LDHC: variants seen among roughly 807,000 people sequenced by gnomAD.
LDHC encodes L-lactate dehydrogenase C chain.
Under a neutral mutation model 30.2 loss-of-function variants are expected in LDHC, and 20 were observed. The observed-to-expected ratio is 0.66, with a 90% CI of 0.47 to 0.96. The LOEUF is 0.96. Among genes scored for constraint, LDHC ranks in the 40% least tolerant of loss-of-function variants. LDHC has a pLI of 0.00. For synonymous variants in LDHC, 139 were observed against 132.7 expected, an observed-to-expected ratio of 1.05 and a Z score of -0.32; for missense variants, 362 against 394.9, an observed-to-expected ratio of 0.92 and a Z score of 0.71.
chr11:18,437,116 A>G (rs1040040636), intron 5 of LDHC, among the ~76,000 whole-genome samples: 31 of 152,080 alleles, frequency 2.0e-4, no homozygotes, highest in African/African-American at 7.5e-4. Context: ...TGACAGGTTA[A>G]TTGGATGTGA....
chr11:18,443,631 T>G (rs1848503961), intron 6 of LDHC, among the ~76,000 whole-genome samples: 1 of 152,084 alleles, frequency 6.6e-6, no homozygotes, highest in African/African-American at 2.4e-5. Context: ...GGCCACTTTT[T>G]GTATTTTTGG....
At chr11:18,444,446 C>G (rs926331035) in intron 6 of LDHC, among the ~76,000 whole-genome samples, 1 of 151,434 alleles carries the variant, frequency 6.6e-6, no homozygotes, top group African/African-American at 2.4e-5. Flanking sequence ...TTTTACTTAC[C>G]CCCGGAGTCT....
At position 18,429,838 on chromosome 11, in the gene LDHC, A is replaced by T; in HGVS notation, c.346A>T (p.Ile116Leu). 1 of 1,611,808 alleles carries T rather than the reference A, an allele frequency of 6.2e-7. No homozygotes were observed. The highest frequency in any genetic ancestry group is 8.5e-7 in the Non-Finnish European group (1 of 1,177,836). Reference sequence around the variant, plus strand: ...TGCCCTGGTCCAACGTAATGTGGCTATAATGAAATCAATCATTCCTGCCAT... The same window carrying T: ...TGCCCTGGTCCAACGTAATGTGGCTTTAATGAAATCAATCATTCCTGCCAT... ...RLALVQRNVA[I>L]MKSIIPAIVH... Residue 116 changes from isoleucine (I) to leucine (L), a missense_variant, in exon 4 of 8, where the codon ATA (isoleucine) becomes TTA (leucine). Transcript: ENST00000541669.
intron 2 of LDHC, among the ~76,000 whole-genome samples, chr11:18,414,111 A>G (rs1446500509): frequency 6.6e-6 from 1 of 152,218 alleles, no homozygotes; most frequent in African/African-American, 2.4e-5. Flanking sequence ...CCAACTCTAC[A>G]GTCCTTACTA....
intron 3 of LDHC, among the ~76,000 whole-genome samples, chr11:18,422,296 C>G (rs1338755856): frequency 2.0e-5 from 3 of 152,062 alleles, no homozygotes; most frequent in African/African-American, 7.3e-5. Flanking sequence ...TGGCCCATGC[C>G]TGTAATCCCA....
In LDHC at chr11:18,446,370, C is replaced by T. The variant is rs558312355; in HGVS notation, c.834+37C>T. The T allele has an allele frequency of 3.4e-6, 5 of 1,473,930 alleles. No individual in the cohort carries two copies. In the African/African-American group the frequency reaches 7.0e-5, roughly 21 times the overall value. The allele number at this position is 1,473,930 out of a possible 1,614,324, so 91.3% of individuals were successfully genotyped here. A position where few individuals can be genotyped will look rare whatever the true frequency, so the allele number is the denominator to read the frequency against. ...TTAAATCTTCATTTATCATTCTTTC[C>T]TTTAATATTTATTGGGTCACTACTA... is the stretch of plus-strand genomic sequence containing the variant. On this transcript the variant is annotated intron_variant, in intron 7 of 7. Coordinates refer to ENST00000541669, the MANE Select transcript of LDHC (RefSeq NM_017448.5).
chr11:18,447,647 T>C (rs757552241), intron 7 of LDHC, among the ~76,000 whole-genome samples: 41 of 152,212 alleles, frequency 2.7e-4, no homozygotes, highest in Non-Finnish European at 4.0e-4. Context: ...GTGAATGAGA[T>C]TGAATAACTA....
At chr11:18,430,249 A>T (rs769003027) in intron 4 of LDHC, among the ~76,000 whole-genome samples, 1 of 152,034 alleles carries the variant, frequency 6.6e-6, no homozygotes, top group Non-Finnish European at 1.5e-5. Flanking sequence ...TTATTTTGGG[A>T]TTCATCCATA....
intron 7 of LDHC, 70 bp from the exon 8 acceptor site, chr11:18,450,893 T>A (rs940706639): frequency 3.4e-6 from 4 of 1,167,774 alleles, no homozygotes; most frequent in Non-Finnish European, 4.9e-6. Context: ...ATACTCTCAT[T>A]TTGATGCCCT....
At chr11:18,416,633 C>T (rs1001553278) in intron 3 of LDHC, among the ~76,000 whole-genome samples, 4 of 152,080 alleles carry the variant, frequency 2.6e-5, no homozygotes, top group African/African-American at 7.2e-5. Context: ...CCTTTGAGTA[C>T]GGCTCAGCTG....
chr11:18,420,097 C>T (rs932384398), intron 3 of LDHC, among the ~76,000 whole-genome samples: 1 of 147,786 alleles, frequency 6.8e-6, no homozygotes, highest in Non-Finnish European at 1.5e-5. Flanking sequence ...CGTCTTAGAA[C>T]AACAACAACA....
At chr11:18,444,295 T>C (rs1309069007) in intron 6 of LDHC, among the ~76,000 whole-genome samples, 1 of 152,100 alleles carries the variant, frequency 6.6e-6, no homozygotes, top group Non-Finnish European at 1.5e-5. Flanking sequence ...TCTATTTTAT[T>C]AATACCTGAG....
At chr11:18,450,657 T>C in intron 7 of LDHC, 1 of 230,204 alleles carries the variant, frequency 4.3e-6, no homozygotes, top group Non-Finnish European at 8.3e-6. Context: ...TAAAATGGCA[T>C]CATGAAAGAC....
chr11:18,441,371 G>A (rs1260739885), intron 6 of LDHC, among the ~76,000 whole-genome samples: 3 of 151,590 alleles, frequency 2.0e-5, no homozygotes, highest in Non-Finnish European at 2.9e-5. Context: ...AGGCTGGAGT[G>A]CAGTGGTGTG....
intron 6 of LDHC, 63 bp from the exon 7 acceptor site, chr11:18,446,147 A>C: frequency 2.2e-6 from 3 of 1,357,284 alleles, no homozygotes; most frequent in Non-Finnish European, 3.1e-6. Context: ...TGCTTGAAGA[A>C]TATTATGTTT....
intron 7 of LDHC, among the ~76,000 whole-genome samples, chr11:18,446,927 G>T (rs1848563225): frequency 6.6e-6 from 1 of 151,470 alleles, no homozygotes; most frequent in Non-Finnish European, 1.5e-5. Flanking sequence ...TTGTTTGTTT[G>T]TTACACAGAT....
chr11:18,422,811 T>C (rs1180218727), intron 3 of LDHC, among the ~76,000 whole-genome samples: 1 of 151,564 alleles, frequency 6.6e-6, no homozygotes, highest in African/African-American at 2.4e-5. Flanking sequence ...GGTGAAACCA[T>C]GTCTTTACCA....
chr11:18,437,586 A>T (rs1250968827), intron 5 of LDHC, among the ~76,000 whole-genome samples: 1 of 152,034 alleles, frequency 6.6e-6, no homozygotes. Context: ...ACCCGTCTCT[A>T]CTAAAAATAC....
rs549775340 is a variant in LDHC, at chr11:18,430,527, A to C, written c.418+617A>C. Among the ~76,000 whole-genome samples, 30 of 152,052 alleles carry C rather than the reference A, an allele frequency of 2.0e-4. 1 individual carries two copies. The South Asian group carries it at 5.8e-3, about 30-fold the overall frequency. On this transcript the variant is annotated intron_variant, in intron 4 of 7. Coordinates refer to ENST00000541669, the MANE Select transcript of LDHC (RefSeq NM_017448.5). ...CAGGCATGTCCCACCACACCCAGCT[A>C]ATTTTCATATTTTTGGTAGAAGTGG...
Sources: allele counts gnomAD v4.1 joint callset (sites outside exome capture counted in the v4.1 genomes callset), GRCh38; gene constraint gnomAD v4.1.1; transcripts MANE v1.5; gene names NCBI Gene and HGNC (gene_info 2026-07-23, HGNC 2026-07-21).